CSMD1: variants seen among roughly 807,000 people sequenced by gnomAD.
CSMD1 encodes CUB and sushi domain-containing protein 1.
CSMD1 carries 213 observed loss-of-function variants against 417.5 expected under a neutral mutation model. That is an observed-to-expected ratio of 0.51 (90% CI 0.46 to 0.57). The LOEUF (loss-of-function observed/expected upper bound fraction) is 0.57, where lower values mean the gene tolerates loss of function less well. CSMD1 is among the 20% of genes least tolerant of loss of function. The pLI, the probability that CSMD1 is intolerant of heterozygous loss-of-function variation, is 0.00. For missense variants in CSMD1, 6,923 were observed against 4,529.7 expected (o/e 1.53, Z -15.17); for synonymous variants, 2,862 against 1,736.8 (o/e 1.65, Z -16.11).
intron 3 of CSMD1, among the ~76,000 whole-genome samples, chr8:4,037,810 C>G (rs1223948037): frequency 6.6e-6 from 1 of 151,924 alleles, no homozygotes; most frequent in Non-Finnish European, 1.5e-5. Context: ...GGAATTGAAT[C>G]TTTTTATGTT....
intron 5 of CSMD1, among the ~76,000 whole-genome samples, chr8:3,899,643 C>T (rs372596314): frequency 2.4e-4 from 36 of 152,300 alleles, no homozygotes; most frequent in African/African-American, 8.4e-4. Context: ...GTTTTGGAGG[C>T]TGAGAAACTA....
intron 22 of CSMD1, among the ~76,000 whole-genome samples, chr8:3,347,781 T>A (rs1469601298): frequency 6.6e-6 from 1 of 152,200 alleles, no homozygotes; most frequent in Non-Finnish European, 1.5e-5. Flanking sequence ...GATCGAGGTT[T>A]ATCTACAAAG....
At chr8:4,058,612 G>A (rs1310902491) in intron 3 of CSMD1, among the ~76,000 whole-genome samples, 67 of 150,372 alleles carry the variant, frequency 4.5e-4, no homozygotes, top group African/African-American at 1.5e-3. Flanking sequence ...CCAAGCAAAT[G>A]GAAAACAAAA....
intron 7 of CSMD1, among the ~76,000 whole-genome samples, chr8:3,633,944 T>G (rs1268445646): frequency 6.6e-6 from 1 of 152,174 alleles, no homozygotes; most frequent in Non-Finnish European, 1.5e-5. Context: ...ATCATTCCAT[T>G]TCAAGTGGAT....
chr8:3,533,081 T>A (rs1798047009), intron 10 of CSMD1, among the ~76,000 whole-genome samples: 1 of 152,160 alleles, frequency 6.6e-6, no homozygotes. Flanking sequence ...ATTCATCCAA[T>A]GTACCTTTCC....
chr8:4,558,048 A>T (rs910175162), intron 2 of CSMD1, among the ~76,000 whole-genome samples: 10 of 152,182 alleles, frequency 6.6e-5, no homozygotes, highest in Admixed American at 6.5e-4. Flanking sequence ...ACAATGCCTT[A>T]TGTCATACTG....
intron 3 of CSMD1, among the ~76,000 whole-genome samples, chr8:4,193,836 G>T (rs1799180182): frequency 6.6e-6 from 1 of 151,998 alleles, no homozygotes; most frequent in Admixed American, 6.6e-5. Context: ...ATACAGTTCA[G>T]CCGTGTTTCC....
At chr8:4,858,354 C>A (rs1322655468) in intron 1 of CSMD1, among the ~76,000 whole-genome samples, 3 of 151,604 alleles carry the variant, frequency 2.0e-5, no homozygotes, top group Non-Finnish European at 4.4e-5. Context: ...AAAACGGGCA[C>A]AAGACAGGGA....
chr8:4,326,890 G>C (rs1248114516), intron 3 of CSMD1, among the ~76,000 whole-genome samples: 1 of 152,102 alleles, frequency 6.6e-6, no homozygotes, highest in Non-Finnish European at 1.5e-5. Flanking sequence ...ATTTTACATA[G>C]ACCATGTATA....
chr8:3,767,938 A>C (rs1000397402), intron 5 of CSMD1, among the ~76,000 whole-genome samples: 4 of 152,170 alleles, frequency 2.6e-5, no homozygotes, highest in Non-Finnish European at 5.9e-5. Flanking sequence ...CTTTACATTA[A>C]TGATGTGAAC....
chr8:4,818,335 G>A (rs1200759073), intron 1 of CSMD1, among the ~76,000 whole-genome samples: 1 of 152,122 alleles, frequency 6.6e-6, no homozygotes, highest in Non-Finnish European at 1.5e-5. Flanking sequence ...GTATAAATTT[G>A]AGCATTGCCT....
chr8:4,738,538 C>G (rs929292530), intron 1 of CSMD1, among the ~76,000 whole-genome samples: 1 of 152,062 alleles, frequency 6.6e-6, no homozygotes, highest in Non-Finnish European at 1.5e-5. Flanking sequence ...TGGCCACTCC[C>G]ATAACAGGGG....
At chr8:3,590,612 T>A (rs1416530519) in intron 8 of CSMD1, among the ~76,000 whole-genome samples, 2 of 152,176 alleles carry the variant, frequency 1.3e-5, no homozygotes, top group East Asian at 1.9e-4. Context: ...GAAACCTTTT[T>A]GCAAATTATC....
At chr8:3,222,863 T>G (rs1798293971) in intron 28 of CSMD1, among the ~76,000 whole-genome samples, 1 of 152,162 alleles carries the variant, frequency 6.6e-6, no homozygotes, top group Admixed American at 6.5e-5. Flanking sequence ...CTGACTCAGA[T>G]CTCATCAGGA....
chr8:3,692,896 C>A (rs1800330428), intron 7 of CSMD1, among the ~76,000 whole-genome samples: 1 of 152,026 alleles, frequency 6.6e-6, no homozygotes, highest in Non-Finnish European at 1.5e-5. Context: ...ATCTTTATAT[C>A]CTAACAAAAT....
At chr8:4,435,773 G>C (rs754525291) in intron 2 of CSMD1, among the ~76,000 whole-genome samples, 108 of 152,268 alleles carry the variant, frequency 7.1e-4, no homozygotes, top group Non-Finnish European at 1.3e-3. Context: ...CCATACCTTT[G>C]ACAGCTAAAC....
chr8:3,839,085 T>G (rs1002666073), intron 5 of CSMD1, among the ~76,000 whole-genome samples: 1 of 117,108 alleles, frequency 8.5e-6, no homozygotes, highest in Non-Finnish European at 1.7e-5. Context: ...CTAGGCTATA[T>G]ATAATATAAT....
In CSMD1 at chr8:4,612,933, G is replaced by T. The variant is rs552500700; in HGVS notation, c.302+24409C>A. On this transcript the variant is annotated intron_variant, in intron 2 of 69. Transcript: ENST00000635120. ...GGCAGAGATTTTATGTACTAATTAT[G>T]GGAAGAGCTGATGCTGTGACACAGG... is the stretch of plus-strand genomic sequence containing the variant. Among the ~76,000 whole-genome samples the T allele has an allele frequency of 5.3e-5, 8 of 152,278 alleles. No homozygotes were observed. The East Asian group carries it at 1.5e-3, about 29-fold the overall frequency.
At chr8:3,407,118 G>C (rs1296223519) in intron 14 of CSMD1, among the ~76,000 whole-genome samples, 1 of 152,022 alleles carries the variant, frequency 6.6e-6, no homozygotes, top group African/African-American at 2.4e-5. Flanking sequence ...AAGATGAATG[G>C]AAGGATGGAT....
Sources: gnomAD v4.1 joint callset for allele counts (sites outside exome capture counted in the v4.1 genomes callset) on GRCh38, gnomAD v4.1.1 for gene constraint, MANE v1.5 for transcripts, NCBI Gene and HGNC (gene_info 2026-07-23, HGNC 2026-07-21) for gene names.